PPP1R1C: variants seen among roughly 807,000 people sequenced by gnomAD.
PPP1R1C encodes protein phosphatase 1 regulatory inhibitor subunit 1C.
PPP1R1C carries 15 observed loss-of-function variants against 17.4 expected under a neutral mutation model. The observed-to-expected ratio is 0.86, with a 90% CI of 0.58 to 1.33. The LOEUF (loss-of-function observed/expected upper bound fraction) is 1.33, where lower values mean the gene tolerates loss of function less well. Ranked by LOEUF, PPP1R1C falls within the 40% of genes most tolerant of loss-of-function variation. PPP1R1C has a pLI of 0.00. For synonymous variants in PPP1R1C, 35 were observed against 43.1 expected (o/e 0.81, Z 0.73); for missense variants, 143 against 130.0 (o/e 1.10, Z -0.48).
intron 4 of PPP1R1C, among the ~76,000 whole-genome samples, chr2:182,091,732 T>C (rs1688787449): frequency 6.6e-6 from 1 of 152,146 alleles, no homozygotes; most frequent in East Asian, 1.9e-4. Context: ...CTTGTTTTTC[T>C]TTTCTCTGTA....
intron 2 of PPP1R1C, among the ~76,000 whole-genome samples, chr2:182,031,476 A>G (rs1418733158): frequency 2.0e-5 from 3 of 152,214 alleles, no homozygotes; most frequent in Admixed American, 6.5e-5. Context: ...TAAATCATTT[A>G]CTTAACTTAG....
intron 3 of PPP1R1C, among the ~76,000 whole-genome samples, chr2:182,063,357 T>C (rs1687899206): frequency 1.3e-5 from 2 of 152,088 alleles, no homozygotes; most frequent in African/African-American, 4.8e-5. Context: ...TATTATTCCC[T>C]GGACATAGCT....
intron 2 of PPP1R1C, among the ~76,000 whole-genome samples, chr2:182,003,288 C>G (rs1019353115): frequency 6.6e-6 from 1 of 152,112 alleles, no homozygotes; most frequent in Non-Finnish European, 1.5e-5. Context: ...ATTTCTTAGT[C>G]TGAAGAAATA....
At chr2:182,030,150 T>A (rs1686769181) in intron 2 of PPP1R1C, among the ~76,000 whole-genome samples, 1 of 150,560 alleles carries the variant, frequency 6.6e-6, no homozygotes, top group Non-Finnish European at 1.5e-5. Flanking sequence ...TCTTTGCCTT[T>A]GGTTTGAATG....
intron 4 of PPP1R1C, among the ~76,000 whole-genome samples, chr2:182,103,033 G>A (rs1423776146): frequency 6.6e-6 from 1 of 152,022 alleles, no homozygotes; most frequent in Non-Finnish European, 1.5e-5. Flanking sequence ...CAAACTCCTG[G>A]GCTCAAGCAA....
intron 2 of PPP1R1C, among the ~76,000 whole-genome samples, chr2:182,054,001 C>G (rs1687607788): frequency 1.3e-5 from 2 of 152,104 alleles, no homozygotes; most frequent in Non-Finnish European, 2.9e-5. Context: ...AGCCACCACC[C>G]CCGGCCAGAT....
At chr2:182,116,789 TAA>T (rs1445426980) in intron 4 of PPP1R1C, among the ~76,000 whole-genome samples, 1 of 152,220 alleles carries the variant, frequency 6.6e-6, no homozygotes, top group African/African-American at 2.4e-5. Flanking sequence ...TTGTTGTTTA[TAA>T]GTTACAGAAA....
rs1214631116 is a variant in PPP1R1C, at chr2:181,961,317, GTCA to G, written n.111+6693_111+6695del. On this transcript the variant is annotated intron_variant and non_coding_transcript_variant, in intron 1 of 5. Coordinates refer to the PPP1R1C transcript ENST00000464264. The surrounding 1 kb of genome is among the most constrained non-coding windows in gnomAD (Gnocchi z 5.8). Reference sequence around the variant, plus strand: ...TGTCCAGGGCATCACCAAGATTGAAGTCATCATCATCAAGCAGGCGGTGGTAGG... The same window carrying G: ...TGTCCAGGGCATCACCAAGATTGAAGTCATCATCAAGCAGGCGGTGGTAGG... 9 of 732,662 alleles carry G rather than the reference GTCA, an allele frequency of 1.2e-5. No individual in the cohort carries two copies. The highest frequency in any genetic ancestry group is 1.8e-5 in the Admixed American group (1 of 54,208). The allele number at this position is 732,662 out of a possible 1,614,324, so 45.4% of individuals were successfully genotyped here.
chr2:182,077,615 G>A (rs945989810), intron 4 of PPP1R1C, among the ~76,000 whole-genome samples: 2 of 152,128 alleles, frequency 1.3e-5, no homozygotes, highest in East Asian at 3.9e-4. Context: ...AGATCCCATG[G>A]AGCCACTGCA....
intron 4 of PPP1R1C, among the ~76,000 whole-genome samples, chr2:182,064,960 AAAGT>A (rs1303490277): frequency 6.6e-6 from 1 of 152,146 alleles, no homozygotes; most frequent in African/African-American, 2.4e-5. Flanking sequence ...TAAACTAAAT[AAAGT>A]AATACTGTTC....
chr2:182,076,611 C>A (rs974127549), intron 4 of PPP1R1C, among the ~76,000 whole-genome samples: 1 of 151,942 alleles, frequency 6.6e-6, no homozygotes, highest in Non-Finnish European at 1.5e-5. Flanking sequence ...AGAACCCCCC[C>A]ACCCCAAACC....
chr2:181,972,347 G>A (rs986599642), intron 1 of PPP1R1C, among the ~76,000 whole-genome samples: 26 of 152,190 alleles, frequency 1.7e-4, no homozygotes, highest in Admixed American at 1.1e-3. Context: ...GAAAAATGGC[G>A]AACAAATAGA....
At chr2:182,069,974 TG>T (rs1688094928) in intron 4 of PPP1R1C, among the ~76,000 whole-genome samples, 1 of 152,032 alleles carries the variant, frequency 6.6e-6, no homozygotes, top group Admixed American at 6.6e-5. Context: ...TGCATTAAAG[TG>T]GGGTGGATGC....
intron 4 of PPP1R1C, among the ~76,000 whole-genome samples, chr2:182,071,432 A>G (rs79561173): frequency 0.056 from 8,460 of 152,278 alleles, 816 homozygotes; most frequent in African/African-American, 0.19. Context: ...ATCCCATGAT[A>G]CGAGGGGCAC....
chr2:181,981,967 C>G (rs572832933), upstream of PPP1R1C, among the ~76,000 whole-genome samples: 5 of 152,224 alleles, frequency 3.3e-5, no homozygotes, highest in East Asian at 9.6e-4. Context: ...TACATATTTG[C>G]TTTTATTTTT....
chr2:182,063,125 C>T (rs931480253), intron 3 of PPP1R1C, among the ~76,000 whole-genome samples: 5 of 151,876 alleles, frequency 3.3e-5, no homozygotes, highest in Non-Finnish European at 7.4e-5. Flanking sequence ...TAACTTTATC[C>T]TGATCCAATA....
chr2:181,965,828 A>G (rs1439543564), intron 1 of PPP1R1C, among the ~76,000 whole-genome samples: 5 of 152,108 alleles, frequency 3.3e-5, no homozygotes, highest in African/African-American at 1.2e-4. Context: ...AGTTTTTTCT[A>G]TTTCCATGAA....
chr2:182,005,321 A>T (rs2125151957), intron 2 of PPP1R1C, among the ~76,000 whole-genome samples: 1 of 152,352 alleles, frequency 6.6e-6, no homozygotes, highest in African/African-American at 2.4e-5. Flanking sequence ...ACATGCTGCC[A>T]GAAAATCTGG....
chr2:182,120,316 C>G (rs1045578550), downstream of PPP1R1C, among the ~76,000 whole-genome samples: 2 of 151,678 alleles, frequency 1.3e-5, no homozygotes, highest in African/African-American at 2.4e-5. Flanking sequence ...AGCCTTGTAG[C>G]TGAAGGAAGT....
Sources: allele counts gnomAD v4.1 joint callset (sites outside exome capture counted in the v4.1 genomes callset), GRCh38; gene constraint gnomAD v4.1.1; non-coding constraint Gnocchi (gnomAD v3.1); transcripts MANE v1.5; gene names NCBI Gene and HGNC (gene_info 2026-07-23, HGNC 2026-07-21).